LINGO2: variants seen among roughly 807,000 people sequenced by gnomAD.
LINGO2 encodes the protein leucine rich repeat and Ig domain containing 2.
A neutral mutation model predicts 30.6 loss-of-function variants in LINGO2; 14 were observed. The observed-to-expected ratio is 0.46, with a 90% CI of 0.30 to 0.72. The LOEUF is 0.72. LINGO2 is among the 30% of genes least tolerant of loss of function. The probability of loss-of-function intolerance (pLI) is 0.07; values close to 1 mark genes in which losing one functional copy is unlikely to be tolerated. For synonymous variants in LINGO2, 317 were observed against 288.5 expected, an observed-to-expected ratio of 1.10 and a Z score of -1.00; for missense variants, 729 against 751.7, an observed-to-expected ratio of 0.97 and a Z score of 0.35.
chr9:27,971,753 A>G (rs1410572040), intron 5 of LINGO2, among the ~76,000 whole-genome samples: 1 of 152,174 alleles, frequency 6.6e-6, no homozygotes, highest in African/African-American at 2.4e-5. Context: ...ATCAAGGATA[A>G]GTCAGGTTTG....
At chr9:27,969,026 TTAATA>T (rs1820232166) in intron 5 of LINGO2, among the ~76,000 whole-genome samples, 1 of 152,040 alleles carries the variant, frequency 6.6e-6, no homozygotes, top group East Asian at 1.9e-4. Flanking sequence ...AATATTTACA[TTAATA>T]TAATATACAT....
chr9:28,491,483 A>C (rs1826392869), intron 1 of LINGO2, among the ~76,000 whole-genome samples: 1 of 152,238 alleles, frequency 6.6e-6, no homozygotes, highest in African/African-American at 2.4e-5. Flanking sequence ...GGTTCCAAGC[A>C]GCAGGATACA....
At chr9:28,175,154 G>C (rs891520614) in intron 4 of LINGO2, among the ~76,000 whole-genome samples, 1 of 152,092 alleles carries the variant, frequency 6.6e-6, no homozygotes, top group African/African-American at 2.4e-5. Context: ...GGCCAAGAAA[G>C]CAAAGTTGTG....
chr9:28,477,444 T>C (rs1299387205), intron 1 of LINGO2, among the ~76,000 whole-genome samples: 1 of 152,170 alleles, frequency 6.6e-6, no homozygotes, highest in Non-Finnish European at 1.5e-5. Flanking sequence ...ATTCTCTTAA[T>C]CTTCAAGGTA....
chr9:28,430,326 T>C (rs1012370532), intron 2 of LINGO2, among the ~76,000 whole-genome samples: 2 of 152,172 alleles, frequency 1.3e-5, no homozygotes, highest in Non-Finnish European at 2.9e-5. Context: ...TCCCAGTCCC[T>C]ACAGCATAAA....
At chr9:28,367,695 C>T (rs1820731031) in intron 3 of LINGO2, among the ~76,000 whole-genome samples, 2 of 152,000 alleles carry the variant, frequency 1.3e-5, no homozygotes, top group African/African-American at 4.8e-5. Context: ...TCTTCTGTCT[C>T]TTCTATTCTG....
chr9:28,233,491 T>C (rs1456815402), intron 4 of LINGO2, among the ~76,000 whole-genome samples: 1 of 149,496 alleles, frequency 6.7e-6, no homozygotes, highest in Non-Finnish European at 1.5e-5. Flanking sequence ...TTTGAACACA[T>C]GCAAAAGCCT....
At chr9:28,697,428 T>G in the LINGO2 span, among the ~76,000 whole-genome samples, 1 of 152,106 alleles carries the variant, frequency 6.6e-6, no homozygotes, top group African/African-American at 2.4e-5. Flanking sequence ...TTAAAAACCC[T>G]TTATAAAAAT....
intron 5 of LINGO2, among the ~76,000 whole-genome samples, chr9:27,961,615 TA>T (rs1819851719): frequency 6.6e-6 from 1 of 152,198 alleles, no homozygotes; most frequent in African/African-American, 2.4e-5. Context: ...GGCAAGCCAT[TA>T]AAGTGTTTTA....
the LINGO2 span, among the ~76,000 whole-genome samples, chr9:28,711,190 TA>T: frequency 6.6e-6 from 1 of 152,138 alleles, no homozygotes; most frequent in African/African-American, 2.4e-5. Flanking sequence ...TATTTTAGAT[TA>T]AAAATATATT....
intron 4 of LINGO2, among the ~76,000 whole-genome samples, chr9:28,054,790 AATT>A (rs1824844737): frequency 7.1e-6 from 1 of 139,950 alleles, no homozygotes; most frequent in South Asian, 2.1e-4. Context: ...GCTATAACTT[AATT>A]TTTAATTTTC....
the LINGO2 span, among the ~76,000 whole-genome samples, chr9:29,166,945 T>C: frequency 1.3e-5 from 2 of 152,100 alleles, no homozygotes; most frequent in Non-Finnish European, 2.9e-5. Context: ...TAGATAGATA[T>C]GAGAAAGAGG....
At position 28,396,427 on chromosome 9, in the gene LINGO2, G is replaced by A. The variant is rs140861268; in HGVS notation, c.-278-23559C>T. On this transcript the variant is annotated intron_variant, in intron 2 of 5. Transcript: ENST00000379992. The stretch of plus-strand genomic sequence containing the variant: ...ATATTTAAGAAGTCCTGATTAGGCC[G>A]GGCGCAGTGGCTCATGCCTGTAATC... 2.9e-4 allele frequency among the ~76,000 whole-genome samples: 44 copies of A among 152,158 alleles called. No homozygotes were observed. The East Asian group carries it at 7.4e-3, about 25-fold the overall frequency.
At chr9:28,599,108 C>G (rs1002015929) in intron 1 of LINGO2, 3 of 152,060 alleles carry the variant, frequency 2.0e-5, no homozygotes, top group Non-Finnish European at 4.4e-5. Context: ...GAAGTGAAAA[C>G]AGTCTCTGCA....
At chr9:28,602,500 A>C (rs1043782835) in intron 1 of LINGO2, among the ~76,000 whole-genome samples, 1 of 152,074 alleles carries the variant, frequency 6.6e-6, no homozygotes, top group African/African-American at 2.4e-5. Context: ...TTGCAGGTAC[A>C]TAATTTTTTT....
intron 1 of LINGO2, among the ~76,000 whole-genome samples, chr9:28,603,323 C>T (rs904865786): frequency 6.6e-6 from 1 of 151,942 alleles, no homozygotes; most frequent in African/African-American, 2.4e-5. Flanking sequence ...CTTTGTCTGT[C>T]TAGTACTGAG....
intron 2 of LINGO2, among the ~76,000 whole-genome samples, chr9:28,474,879 A>G (rs1825667850): frequency 6.6e-6 from 1 of 152,204 alleles, no homozygotes; most frequent in Non-Finnish European, 1.5e-5. Context: ...AATGTTATAT[A>G]AATGAGGTAA....
the LINGO2 span, among the ~76,000 whole-genome samples, chr9:29,037,821 T>C: frequency 3.3e-5 from 5 of 151,986 alleles, no homozygotes; most frequent in Admixed American, 6.6e-5. Context: ...ACATACTTGA[T>C]AGAATTGTAA....
intron 5 of LINGO2, among the ~76,000 whole-genome samples, chr9:27,967,307 T>C (rs1183491998): frequency 1.3e-5 from 2 of 152,144 alleles, no homozygotes; most frequent in Admixed American, 6.6e-5. Context: ...GTCTTTGAAG[T>C]CCTTTCCATT....
Sources: allele counts gnomAD v4.1 joint callset (sites outside exome capture counted in the v4.1 genomes callset), GRCh38; gene constraint gnomAD v4.1.1; transcripts MANE v1.5; gene names NCBI Gene and HGNC (gene_info 2026-07-23, HGNC 2026-07-21).